Variants in CCDC83 observed in about 807,000 individuals in gnomAD.
The protein encoded by CCDC83 is coiled-coil domain-containing protein 83.
CCDC83 carries 54 observed loss-of-function variants against 50.1 expected under a neutral mutation model. The observed-to-expected ratio is 1.08, with a 90% CI of 0.87 to 1.35. The LOEUF (loss-of-function observed/expected upper bound fraction) is 1.35, where lower values mean the gene tolerates loss of function less well. CCDC83 is among the 40% of genes most tolerant of loss of function. The pLI is 0.00. For synonymous variants in CCDC83, 161 were observed against 153.3 expected (o/e 1.05, Z -0.37); for missense variants, 518 against 473.9 (o/e 1.09, Z -0.86).
chr11:85,891,401 A>T (rs1331451507), intron 5 of CCDC83, among the ~76,000 whole-genome samples: 1 of 152,188 alleles, frequency 6.6e-6, no homozygotes, highest in Non-Finnish European at 1.5e-5. Flanking sequence ...GGATATTGGG[A>T]TACTAGTATA....
intron 1 of CCDC83, among the ~76,000 whole-genome samples, chr11:85,862,336 T>G (rs2093181485): frequency 6.6e-6 from 1 of 152,158 alleles, no homozygotes; most frequent in African/African-American, 2.4e-5. Context: ...GGTGTATGTT[T>G]TAGAGACCTC....
chr11:85,905,319 G>A (rs1393960632), intron 7 of CCDC83, among the ~76,000 whole-genome samples: 2 of 151,976 alleles, frequency 1.3e-5, no homozygotes, highest in African/African-American at 2.4e-5. Flanking sequence ...GTGCATGCCT[G>A]TAATCCCAGC....
At chr11:85,900,089 A>G (rs2093394146) in intron 7 of CCDC83, among the ~76,000 whole-genome samples, 1 of 152,176 alleles carries the variant, frequency 6.6e-6, no homozygotes, top group Non-Finnish European at 1.5e-5. Flanking sequence ...AGAACTACAG[A>G]GGATGTGCAA....
intron 7 of CCDC83, among the ~76,000 whole-genome samples, chr11:85,900,537 A>G (rs1288453934): frequency 1.3e-5 from 2 of 152,190 alleles, no homozygotes; most frequent in Admixed American, 6.5e-5. Context: ...AAAATTTGGT[A>G]TGAAAACAGT....
Position 85,885,337 on chromosome 11 carries a change from A to C in CCDC83, c.344-863A>C, listed in dbSNP as rs187457105. Reference sequence around the variant, plus strand: ...GAAATGCTTCAGTCATTCAACAGACATTTATTGAGCGCCAACTAATTGCCA... The same window carrying C: ...GAAATGCTTCAGTCATTCAACAGACCTTTATTGAGCGCCAACTAATTGCCA... On this transcript the variant is annotated intron_variant, in intron 4 of 10. Coordinates refer to ENST00000342404, the MANE Select transcript of CCDC83 (RefSeq NM_001286159.2). 1.8e-3 allele frequency among the ~76,000 whole-genome samples: 270 copies of C among 152,306 alleles called. 1 individual carries two copies. The highest frequency in any genetic ancestry group is 2.9e-3 in the Non-Finnish European group (196 of 68,018).
In CCDC83 at chr11:85,856,270, A is replaced by G. The variant is rs145983021; in HGVS notation, c.-29+686A>G. Among the ~76,000 whole-genome samples the G allele has an allele frequency of 4.7e-3, 709 of 151,814 alleles. 4 individuals are homozygous for G. Among genetic ancestry groups the G allele is most frequent in the African/African-American group, 0.012 (497 of 41,394 alleles). ...GACTGGGTATTTATCAGTCTATGTG[A>G]TAATTGCTCATGGATTGCCTTACAG... On this transcript the variant is annotated intron_variant, in intron 1 of 10. Transcript: ENST00000342404.
chr11:85,874,213 C>T (rs370696690), intron 3 of CCDC83, among the ~76,000 whole-genome samples: 5 of 152,280 alleles, frequency 3.3e-5, no homozygotes, highest in South Asian at 2.1e-4. Context: ...GACACTATCA[C>T]GATTCTTAAG....
At position 85,858,262 on chromosome 11, in the gene CCDC83, T is replaced by C. The variant is rs537288418; in HGVS notation, c.-29+2678T>C. ...CTGCCCAAGAAGCTGAATGAGGCAA[T>C]GGCTGAAGCCCACCTGGGCAAGCTG... On this transcript the variant is annotated intron_variant, in intron 1 of 10. Transcript: ENST00000342404. Among the ~76,000 whole-genome samples the C allele has an allele frequency of 1.6e-3, 248 of 152,250 alleles. 2 individuals are homozygous for C. Among genetic ancestry groups the C allele is most frequent in the Non-Finnish European group, 2.6e-3 (178 of 68,010 alleles).
chr11:85,917,698 C>G (rs2093488809), intron 10 of CCDC83, among the ~76,000 whole-genome samples: 2 of 152,046 alleles, frequency 1.3e-5, no homozygotes, highest in Admixed American at 1.3e-4. Context: ...CTGAATAAAC[C>G]AACACAAACC....
chr11:85,888,258 A>C (rs1055755973), intron 5 of CCDC83, among the ~76,000 whole-genome samples: 2 of 152,234 alleles, frequency 1.3e-5, no homozygotes, highest in East Asian at 3.8e-4. Context: ...TACTTCTAAC[A>C]GTATGCATGA....
chr11:85,905,705 C>T (rs2093422447), intron 7 of CCDC83, among the ~76,000 whole-genome samples: 1 of 151,932 alleles, frequency 6.6e-6, no homozygotes, highest in Non-Finnish European at 1.5e-5. Flanking sequence ...CGCAGTGGCT[C>T]ATGCCTGTAA....
intron 2 of CCDC83, among the ~76,000 whole-genome samples, chr11:85,869,964 G>A (rs922143916): frequency 2.6e-5 from 4 of 152,148 alleles, no homozygotes; most frequent in Non-Finnish European, 4.4e-5. Flanking sequence ...AGCATTTAGG[G>A]CATCTCAGAA....
chr11:85,860,092 T>C lies in CCDC83; in HGVS notation c.-29+4508T>C, dbSNP rs543086886. Among the ~76,000 whole-genome samples, 4 of 152,064 alleles carry C rather than the reference T, an allele frequency of 2.6e-5. No homozygotes were observed. In the East Asian group the frequency reaches 7.7e-4, roughly 29 times the overall value. ...TCACAAGGTCAGGAGATCGAGATAGTCCTGGCTAACACGGTGAAACCCCGA... is the reference window on the plus strand; with the variant it reads ...TCACAAGGTCAGGAGATCGAGATAGCCCTGGCTAACACGGTGAAACCCCGA... On this transcript the variant is annotated intron_variant, in intron 1 of 10. Coordinates refer to ENST00000342404, the MANE Select transcript of CCDC83 (RefSeq NM_001286159.2).
At chr11:85,855,798 A>T (rs1205833509) in intron 1 of CCDC83, among the ~76,000 whole-genome samples, 2 of 152,174 alleles carry the variant, frequency 1.3e-5, no homozygotes, top group Non-Finnish European at 2.9e-5. Context: ...TCTGTGCAGG[A>T]GCTGGGACTA....
intron 10 of CCDC83, among the ~76,000 whole-genome samples, chr11:85,917,192 G>GAAAGAAAGAAAGAAAGAA (rs368407830): frequency 5.0e-4 from 40 of 79,752 alleles, no homozygotes; most frequent in African/African-American, 1.8e-3. Flanking sequence ...AAGAAAGAAA[G>GAAAGAAAGAAAGAAAGAA]AGAAAGAAAG....
At position 85,884,829 on chromosome 11, in the gene CCDC83, G is replaced by A. The variant is rs182839590; in HGVS notation, c.344-1371G>A. Among the ~76,000 whole-genome samples the A allele has an allele frequency of 2.2e-3, 342 of 152,306 alleles. 6 individuals carry two copies. The South Asian group carries it at 0.04, about 18-fold the overall frequency. On this transcript the variant is annotated intron_variant, in intron 4 of 10. Transcript: ENST00000342404. Reference sequence around the variant, plus strand: ...GGCCTGAGACAGTAGCAGTCTGCTCGAATGAGAGAACAACTACCCATCTGG... The same window carrying A: ...GGCCTGAGACAGTAGCAGTCTGCTCAAATGAGAGAACAACTACCCATCTGG...
rs201205802 is a variant in CCDC83, at chr11:85,865,077, A to G, written c.-28-19A>G. 5.8e-5 allele frequency: 74 copies of G among 1,283,496 alleles called. No individual in the cohort carries two copies. Among genetic ancestry groups the G allele is most frequent in the Non-Finnish European group, 7.8e-5 (69 of 889,228 alleles). The allele number at this position is 1,283,496 out of a possible 1,614,324, so 79.5% of individuals were successfully genotyped here. A position where few individuals can be genotyped will look rare whatever the true frequency, so the allele number is the denominator to read the frequency against. ...CAAAGATGGAATTTTTCACTTTCGT[A>G]TGTCTCCTTTCTAAACAGGTATATT... On this transcript the variant is annotated intron_variant, in intron 1 of 10. Coordinates refer to ENST00000342404, the MANE Select transcript of CCDC83 (RefSeq NM_001286159.2).
At chr11:85,907,758 A>G (rs903228435) in intron 7 of CCDC83, among the ~76,000 whole-genome samples, 1 of 152,200 alleles carries the variant, frequency 6.6e-6, no homozygotes, top group African/African-American at 2.4e-5. Flanking sequence ...GCACATTACT[A>G]TTCTAAAGGG....
intron 5 of CCDC83, among the ~76,000 whole-genome samples, chr11:85,888,405 T>A (rs941543085): frequency 1.3e-5 from 2 of 152,254 alleles, no homozygotes; most frequent in Non-Finnish European, 2.9e-5. Context: ...ACACTGAATG[T>A]GTCTTTTCAT....
Sources: allele counts gnomAD v4.1 joint callset (sites outside exome capture counted in the v4.1 genomes callset), GRCh38; gene constraint gnomAD v4.1.1; transcripts MANE v1.5; gene names NCBI Gene and HGNC (gene_info 2026-07-23, HGNC 2026-07-21).